The following PPME1 variants were observed in gnomAD, a reference collection of about 807,000 sequenced individuals.
The protein encoded by PPME1 is protein phosphatase methylesterase 1, also known as testicular secretory protein Li 39.
In PPME1, 17 loss-of-function variants were observed where a neutral mutation model predicts 56.9. That is an observed-to-expected ratio of 0.30 (90% CI 0.20 to 0.45). The LOEUF is 0.45. Among genes scored for constraint, PPME1 ranks in the 20% least tolerant of loss-of-function variants. The pLI, the probability that PPME1 is intolerant of heterozygous loss-of-function variation, is 1.00. For missense variants in PPME1, 357 were observed against 483.2 expected (o/e 0.74, Z 2.45); for synonymous variants, 122 against 156.2 (o/e 0.78, Z 1.63).
chr11:74,192,157 A>G (rs1053798974), intron 1 of PPME1, among the ~76,000 whole-genome samples: 2 of 152,180 alleles, frequency 1.3e-5, no homozygotes, highest in African/African-American at 4.8e-5. Context: ...CCCTCACACC[A>G]GTGTGCCCTG....
At chr11:74,208,599 G>C (rs1858391484) in intron 3 of PPME1, among the ~76,000 whole-genome samples, 1 of 152,220 alleles carries the variant, frequency 6.6e-6, no homozygotes, top group South Asian at 2.1e-4. Flanking sequence ...ATTTTAGATA[G>C]ATGGGTATAA....
intron 1 of PPME1, among the ~76,000 whole-genome samples, chr11:74,179,304 G>A (rs989203093): frequency 1.3e-5 from 2 of 152,142 alleles, no homozygotes; most frequent in Non-Finnish European, 2.9e-5. Context: ...CCCCAGCCTG[G>A]GCAACATAGG....
At chr11:74,228,166 C>T (rs753526855) in intron 5 of PPME1, among the ~76,000 whole-genome samples, 10 of 150,322 alleles carry the variant, frequency 6.7e-5, no homozygotes, top group Admixed American at 1.3e-4. Flanking sequence ...AAACAGTTTG[C>T]CCCCAAAATT....
chr11:74,180,726 A>C (rs970714691), intron 1 of PPME1, among the ~76,000 whole-genome samples: 6 of 152,154 alleles, frequency 3.9e-5, no homozygotes, highest in African/African-American at 1.4e-4. Context: ...GATTCCCCAA[A>C]CCTGAAAGCA....
In PPME1 at chr11:74,213,167, G is replaced by A. The variant is rs181625424; in HGVS notation, c.288+8722G>A. 3.1e-3 allele frequency among the ~76,000 whole-genome samples: 479 copies of A among 152,314 alleles called. 3 individuals are homozygous for A. In the Middle Eastern group the frequency reaches 0.034, roughly 11 times the overall value. ...CCATAAGCTGACTGAAGAGCCCTTA[G>A]GCCATGAATAAACACTGGTGGTAGC... On this transcript the variant is annotated intron_variant, in intron 3 of 13. Transcript: ENST00000328257.
At position 74,230,756 on chromosome 11, in the gene PPME1, C is replaced by T. The variant is rs1859045246; in HGVS notation, c.554-156C>T. On this transcript the variant is annotated intron_variant, in intron 6 of 13. Transcript: ENST00000328257. The surrounding 1 kb of genome is among the most constrained non-coding windows in gnomAD (Gnocchi z 4.9). ...AGGGCATGACATAAAGAAGTGAATA[C>T]CCCAGAGGCAAAAATTATTGAGGGC... The T allele has an allele frequency of 1.5e-6, 1 of 663,254 alleles. No homozygotes were observed. Among genetic ancestry groups the T allele is most frequent in the African/African-American group, 1.8e-5 (1 of 55,086 alleles). The allele number at this position is 663,254 out of a possible 1,614,324, so 41.1% of individuals were successfully genotyped here. A position where few individuals can be genotyped will look rare whatever the true frequency, so the allele number is the denominator to read the frequency against.
At chr11:74,199,284 T>A (rs1327710376) in intron 1 of PPME1, among the ~76,000 whole-genome samples, 1 of 152,236 alleles carries the variant, frequency 6.6e-6, no homozygotes, top group South Asian at 2.1e-4. Context: ...TCAGCTGTAC[T>A]TCTTAGGGTA....
At chr11:74,204,242 A>T in intron 2 of PPME1, 111 bp from the exon 3 acceptor site, 1 of 772,568 alleles carries the variant, frequency 1.3e-6, no homozygotes, top group Middle Eastern at 3.1e-4. Flanking sequence ...CATCTCTTAC[A>T]TTTGGCAGTC....
chr11:74,237,275 C>CTTTTTTTTTTTTTTTTTTTTTT lies in PPME1; in HGVS notation c.710+1327_710+1328insTTTTTTTTTTTTTTTTTTTTTT, dbSNP rs763251745. Among the ~76,000 whole-genome samples the CTTTTTTTTTTTTTTTTTTTTTT allele has an allele frequency of 1.6e-5, 2 of 128,032 alleles. 1 individual carries two copies. The highest frequency in any genetic ancestry group is 6.5e-5 in the African/African-American group (2 of 30,770). The allele number at this position is 128,032 out of a possible 152,430, so 84.0% of individuals were successfully genotyped here. A position where few individuals can be genotyped will look rare whatever the true frequency, so the allele number is the denominator to read the frequency against. ...CAGGAAGTACATAATGTCTGGTTGTCTTTTTTTTTTTTTTTTTTGAGACAG... is the reference window on the plus strand; with the variant it reads ...CAGGAAGTACATAATGTCTGGTTGTCTTTTTTTTTTTTTTTTTTTTTTTTTTTTTTTTTTTTTTTTGAGACAG... On this transcript the variant is annotated intron_variant, in intron 8 of 13. Transcript: ENST00000328257.
intron 3 of PPME1, among the ~76,000 whole-genome samples, chr11:74,217,328 G>A (rs972171083): frequency 6.6e-6 from 1 of 151,996 alleles, no homozygotes; most frequent in Admixed American, 6.6e-5. Context: ...GATCACTTGA[G>A]ATCAGGAGTT....
Position 74,204,335 on chromosome 11 carries a change from A to G in PPME1, c.196-18A>G, listed in dbSNP as rs918486898. The G allele has an allele frequency of 2.5e-6, 4 of 1,583,742 alleles. No homozygotes were observed. The highest frequency in any genetic ancestry group is 3.4e-5 in the Admixed American group (2 of 59,070). Reference sequence around the variant, plus strand: ...TAGTGAGCAAAAACATAGATGTTTTATCTTTAACTATTCATACACTTTTCG... The same window carrying G: ...TAGTGAGCAAAAACATAGATGTTTTGTCTTTAACTATTCATACACTTTTCG... On this transcript the variant is annotated intron_variant, in intron 2 of 13. Coordinates refer to ENST00000328257, the MANE Select transcript of PPME1 (RefSeq NM_016147.3).
chr11:74,223,527 C>T (rs1415312257), intron 4 of PPME1, among the ~76,000 whole-genome samples: 13 of 135,008 alleles, frequency 9.6e-5, no homozygotes, highest in Middle Eastern at 3.6e-3. Flanking sequence ...CACTGACTTC[C>T]GCAATGGTTG....
At position 74,194,391 on chromosome 11, in the gene PPME1, A is replaced by C. The variant is rs191438496; in HGVS notation, c.102-9337A>C. Among the ~76,000 whole-genome samples the C allele has an allele frequency of 4.3e-3, 649 of 152,202 alleles. 4 individuals carry two copies. Among genetic ancestry groups the C allele is most frequent in the African/African-American group, 0.015 (625 of 41,514 alleles). On this transcript the variant is annotated intron_variant, in intron 1 of 13. Coordinates refer to ENST00000328257, the MANE Select transcript of PPME1 (RefSeq NM_016147.3). The stretch of plus-strand genomic sequence containing the variant: ...GCATCGCAAAACTTCAAGTTCAGAC[A>C]GTTGGCAAATGCCATCAAGGTAAAA...
chr11:74,223,954 C>G (rs1365483362), intron 4 of PPME1, among the ~76,000 whole-genome samples: 1 of 151,592 alleles, frequency 6.6e-6, no homozygotes, highest in Admixed American at 6.6e-5. Context: ...TTAATTAGAT[C>G]CCATTTGTCA....
chr11:74,179,950 C>T (rs113226956), intron 1 of PPME1, among the ~76,000 whole-genome samples: 32 of 152,194 alleles, frequency 2.1e-4, no homozygotes, highest in Non-Finnish European at 4.6e-4. Context: ...TTTGTGACAA[C>T]AAGTGATTAA....
At chr11:74,228,554 G>GTAGTGGAACAC (rs1395097506) in intron 5 of PPME1, among the ~76,000 whole-genome samples, 1 of 152,202 alleles carries the variant, frequency 6.6e-6, no homozygotes, top group Admixed American at 6.5e-5. Flanking sequence ...TAGTGTTCCA[G>GTAGTGGAACAC]TAGTGGAACA....
At chr11:74,196,872 G>A (rs959352824) in intron 1 of PPME1, among the ~76,000 whole-genome samples, 1 of 152,148 alleles carries the variant, frequency 6.6e-6, no homozygotes, top group Non-Finnish European at 1.5e-5. Context: ...CAGATATCAG[G>A]ATAGCTGGAA....
At chr11:74,235,089 C>T (rs1317024811) in intron 7 of PPME1, among the ~76,000 whole-genome samples, 2 of 152,140 alleles carry the variant, frequency 1.3e-5, no homozygotes, top group African/African-American at 2.4e-5. Flanking sequence ...GAAATCATGT[C>T]ATTATCTGAG....
At chr11:74,220,371 A>T (rs1242639602) in intron 3 of PPME1, among the ~76,000 whole-genome samples, 1 of 152,174 alleles carries the variant, frequency 6.6e-6, no homozygotes, top group African/African-American at 2.4e-5. Flanking sequence ...CATTTTGGGT[A>T]TACATTAGAA....
Sources: allele counts gnomAD v4.1 joint callset (sites outside exome capture counted in the v4.1 genomes callset), GRCh38; gene constraint gnomAD v4.1.1; non-coding constraint Gnocchi (gnomAD v3.1); transcripts MANE v1.5; gene names NCBI Gene and HGNC (gene_info 2026-07-23, HGNC 2026-07-21).